Variants in IAPP observed in about 807,000 individuals in gnomAD.
The protein encoded by IAPP is islet amyloid polypeptide, also known as Islet amyloid polypeptide (diabetes-associated peptide; amylin).
Under a neutral mutation model 2.9 loss-of-function variants are expected in IAPP, and 4 were observed. That is an observed-to-expected ratio of 1.39 (90% CI 0.69 to 3.19). The LOEUF (loss-of-function observed/expected upper bound fraction) is 3.19, where lower values mean the gene tolerates loss of function less well. Among genes scored for constraint, IAPP ranks in the 30% most tolerant of loss-of-function variants. The pLI is 0.01. For synonymous variants in IAPP, 40 were observed against 42.1 expected (o/e 0.95, Z 0.19); for missense variants, 114 against 105.3 (o/e 1.08, Z -0.36).
chr12:21,373,878 C>A, intron 2 of IAPP: 1 of 490,866 alleles, frequency 2.0e-6, no homozygotes, highest in Non-Finnish European at 3.6e-6. Flanking sequence ...ATGTTAAAAA[C>A]TTTTACATCT....
intron 1 of IAPP, among the ~76,000 whole-genome samples, chr12:21,358,656 A>G (rs1434017226): frequency 6.6e-6 from 1 of 151,996 alleles, no homozygotes; most frequent in Non-Finnish European, 1.5e-5. Flanking sequence ...ATTTTTTATA[A>G]TTAAAAATTA....
At chr12:21,365,501 A>G (rs1024078309) in intron 1 of IAPP, among the ~76,000 whole-genome samples, 5 of 152,194 alleles carry the variant, frequency 3.3e-5, no homozygotes, top group Non-Finnish European at 5.9e-5. Context: ...GGACTTTATG[A>G]CTAAAACACC....
At chr12:21,366,094 G>T (rs940633179) in intron 1 of IAPP, among the ~76,000 whole-genome samples, 8 of 152,268 alleles carry the variant, frequency 5.3e-5, no homozygotes, top group African/African-American at 1.9e-4. Flanking sequence ...AAAGACACAT[G>T]CATACGTATG....
chr12:21,369,014 AC>A (rs1939594529), upstream of IAPP, among the ~76,000 whole-genome samples: 1 of 152,186 alleles, frequency 6.6e-6, no homozygotes, highest in African/African-American at 2.4e-5. Context: ...AATAGTTAAA[AC>A]TGTGTGGAGA....
At chr12:21,365,551 A>T (rs1347807020) in intron 1 of IAPP, among the ~76,000 whole-genome samples, 1 of 152,136 alleles carries the variant, frequency 6.6e-6, no homozygotes, top group Non-Finnish European at 1.5e-5. Context: ...ACAAATGGGA[A>T]CTAATTGAAC....
intron 2 of IAPP, chr12:21,373,656 T>C (rs1278154659): frequency 2.9e-6 from 2 of 701,542 alleles, no homozygotes; most frequent in Non-Finnish European, 5.2e-6. Context: ...GAATGGATAA[T>C]TCCAGTTTTG....
upstream of IAPP, among the ~76,000 whole-genome samples, chr12:21,370,486 G>A (rs1342332499): frequency 2.3e-5 from 2 of 85,182 alleles, no homozygotes; most frequent in Non-Finnish European, 4.3e-5. Context: ...CCCCTCCCCC[G>A]ACCCCACAAC....
rs1317908609 is a variant in IAPP at position 21,379,243 on chromosome 12, T to A, written c.*817T>A. 2 of 152,228 alleles carry A rather than the reference T, an allele frequency of 1.3e-5. No homozygotes were observed. Among genetic ancestry groups the A allele is most frequent in the Admixed American group, 6.5e-5 (1 of 15,278 alleles). The allele number at this position is 152,228 out of a possible 1,614,324, so 9.4% of individuals were successfully genotyped here. A position where few individuals can be genotyped will look rare whatever the true frequency, so the allele number is the denominator to read the frequency against. On this transcript the variant is annotated 3_prime_UTR_variant, in exon 3 of 3. Coordinates refer to ENST00000240652, the MANE Select transcript of IAPP (RefSeq NM_000415.3). ...CTCCTGACTCGGTCAAAATATTTTTTAAAGTCTATTGTTTGTTGTGCTTGC... is the reference window on the plus strand; with the variant it reads ...CTCCTGACTCGGTCAAAATATTTTTAAAAGTCTATTGTTTGTTGTGCTTGC...
In IAPP at chr12:21,373,373, G is replaced by T; in HGVS notation, c.22G>T (p.Val8Leu). 6.2e-7 allele frequency: 1 copy of T among 1,613,408 alleles called. No homozygotes were observed. The highest frequency in any genetic ancestry group is 8.5e-7 in the Non-Finnish European group (1 of 1,179,480). Residue 8 changes from valine to leucine, a missense_variant, in exon 2 of 3, where the codon GTA becomes TTA. By Grantham distance (32) the Val-to-Leu change is conservative (BLOSUM62 1). Coordinates refer to ENST00000240652, the MANE Select transcript of IAPP (RefSeq NM_000415.3). MGILKLQ[V>L]FLIVLSVALN... ...AGCAATGGGCATCCTGAAGCTGCAA[G>T]TATTTCTCATTGTGCTCTCTGTTGC...
intron 1 of IAPP, among the ~76,000 whole-genome samples, chr12:21,362,870 T>A (rs953942801): frequency 1.1e-4 from 16 of 152,158 alleles, no homozygotes; most frequent in Admixed American, 4.6e-4. Flanking sequence ...ATGCATCCAA[T>A]ACAGGAGCAC....
intron 2 of IAPP, 86 bp from the exon 3 acceptor site, chr12:21,378,151 A>T: frequency 8.0e-7 from 1 of 1,245,012 alleles, no homozygotes; most frequent in Non-Finnish European, 1.2e-6. Flanking sequence ...TTTGGTTTTC[A>T]TCAATACAAG....
intron 1 of IAPP, among the ~76,000 whole-genome samples, chr12:21,357,173 C>T (rs1190731344): frequency 1.3e-5 from 2 of 152,118 alleles, no homozygotes; most frequent in Non-Finnish European, 2.9e-5. Context: ...CAGAATGAAA[C>T]CACATTTGTA....
intron 1 of IAPP, 116 bp from the exon 2 acceptor site, chr12:21,373,221 C>A: frequency 1.4e-6 from 1 of 720,710 alleles, no homozygotes; most frequent in Non-Finnish European, 2.4e-6. Flanking sequence ...AATTTTGATC[C>A]TTGTAAATTA....
upstream of IAPP, among the ~76,000 whole-genome samples, chr12:21,371,528 C>G (rs890682813): frequency 4.6e-5 from 7 of 152,126 alleles, no homozygotes; most frequent in Non-Finnish European, 1.0e-4. Flanking sequence ...CACCTTCAAA[C>G]AATGTTACAA....
At chr12:21,357,987 C>T (rs970409747) in intron 1 of IAPP, among the ~76,000 whole-genome samples, 12 of 152,050 alleles carry the variant, frequency 7.9e-5, no homozygotes, top group Admixed American at 5.9e-4. Context: ...CTTACTCAGA[C>T]TTTGGTGGGT....
intron 1 of IAPP, among the ~76,000 whole-genome samples, chr12:21,359,746 T>TA (rs35529364): frequency 0.33 from 45,893 of 140,006 alleles, 7,370 homozygotes; most frequent in East Asian, 0.48. Flanking sequence ...GACTCCGTCT[T>TA]AAAAAAAAAA....
At chr12:21,367,188 C>G (rs1302302282) in intron 1 of IAPP, among the ~76,000 whole-genome samples, 1 of 152,008 alleles carries the variant, frequency 6.6e-6, no homozygotes, top group Non-Finnish European at 1.5e-5. Context: ...TGAAATAATG[C>G]CTTTATAATT....
rs1940347547 is a variant in IAPP at position 21,378,228 on chromosome 12, T to C, written c.81-9T>C. On this transcript the variant is annotated splice_polypyrimidine_tract_variant and intron_variant, in intron 2 of 2. Coordinates refer to ENST00000240652, the MANE Select transcript of IAPP (RefSeq NM_000415.3). ...GCTCTAACTTTTCACATTTGTTCCA[T>C]GTTACCAGTCATCAGGTGGAAAAGC... 3.1e-6 allele frequency: 5 copies of C among 1,613,742 alleles called. No homozygotes were observed. Among genetic ancestry groups the C allele is most frequent in the African/African-American group, 1.3e-5 (1 of 75,050 alleles).
chr12:21,367,010 C>A (rs1206970174), intron 1 of IAPP, among the ~76,000 whole-genome samples: 2 of 151,428 alleles, frequency 1.3e-5, no homozygotes, highest in Non-Finnish European at 2.9e-5. Flanking sequence ...ACTGAGTTTC[C>A]AGCTCAGTCA....
Sources: allele counts gnomAD v4.1 joint callset (sites outside exome capture counted in the v4.1 genomes callset), GRCh38; gene constraint gnomAD v4.1.1; transcripts MANE v1.5; gene names NCBI Gene and HGNC (gene_info 2026-07-23, HGNC 2026-07-21).